The following NLRP3 variants were observed in gnomAD, a reference collection of about 807,000 sequenced individuals.
NLRP3 encodes the protein NLR family pyrin domain containing 3.
In NLRP3, 48 loss-of-function variants were observed where a neutral mutation model predicts 91.3. The ratio of observed to expected loss-of-function variants is 0.53; its 90% CI spans 0.42 to 0.67. NLRP3 has a LOEUF of 0.67. Among genes scored for constraint, NLRP3 ranks in the 30% least tolerant of loss-of-function variants. The pLI, the probability that NLRP3 is intolerant of heterozygous loss-of-function variation, is 0.00. For synonymous variants in NLRP3, 561 were observed against 507.9 expected, an observed-to-expected ratio of 1.10 and a Z score of -1.41; for missense variants, 982 against 1,276.9, an observed-to-expected ratio of 0.77 and a Z score of 3.52.
intron 7 of NLRP3, among the ~76,000 whole-genome samples, chr1:247,436,952 G>C (rs956697623): frequency 3.3e-5 from 5 of 152,228 alleles, no homozygotes; most frequent in African/African-American, 9.7e-5. Context: ...TAGGGTATCT[G>C]TGTCTCCAAT....
At chr1:247,441,090 TTCTTCC>T (rs1270842579) in intron 7 of NLRP3, among the ~76,000 whole-genome samples, 181 of 151,058 alleles carry the variant, frequency 1.2e-3, no homozygotes, top group African/African-American at 2.4e-3. Flanking sequence ...CCTTCCTTCC[TTCTTCC>T]TCCTCCTCCT....
intron 1 of NLRP3, among the ~76,000 whole-genome samples, chr1:247,417,707 A>G (rs1662156565): frequency 6.6e-6 from 1 of 152,132 alleles, no homozygotes; most frequent in African/African-American, 2.4e-5. Context: ...CCTGGTCTCC[A>G]ACTCCTGACC....
At chr1:247,428,242 C>T (rs539494793) in intron 4 of NLRP3, among the ~76,000 whole-genome samples, 16 of 150,056 alleles carry the variant, frequency 1.1e-4, no homozygotes, top group Non-Finnish European at 2.1e-4. Flanking sequence ...CTAGATGGCA[C>T]CTGCCTTACT....
chr1:247,420,355 G>C (rs1314663762), intron 2 of NLRP3, among the ~76,000 whole-genome samples: 1 of 151,918 alleles, frequency 6.6e-6, no homozygotes, highest in Non-Finnish European at 1.5e-5. Context: ...CTCCTATTCT[G>C]TGGGTTGTCT....
chr1:247,417,858 C>T (rs1159266134), intron 1 of NLRP3, among the ~76,000 whole-genome samples, 195 bp from the exon 2 acceptor site: 2 of 152,176 alleles, frequency 1.3e-5, no homozygotes, highest in Non-Finnish European at 2.9e-5. Context: ...ACTGTCCCCT[C>T]CTCTGCAAGC....
chr1:247,445,927 A>G (rs2103246430), intron 9 of NLRP3, among the ~76,000 whole-genome samples: 1 of 152,264 alleles, frequency 6.6e-6, no homozygotes, highest in South Asian at 2.1e-4. Flanking sequence ...CCTCCAGATT[A>G]TATGTCCATA....
rs758813724 is a variant in NLRP3, at chr1:247,418,753, T to C, written c.-48T>C. On this transcript the variant is annotated 5_prime_UTR_variant, in exon 2 of 10. Transcript: ENST00000336119. ...TGTGCCGTGTTCACTGCCTGGTATC[T>C]TAGTGTGGACCGAAGCCTAAGGACC... The C allele has an allele frequency of 6.9e-5, 111 of 1,611,656 alleles. No individual in the cohort carries two copies. The highest frequency in any genetic ancestry group is 8.1e-5 in the Non-Finnish European group (96 of 1,179,364).
At chr1:247,420,025 C>T (rs1263412785) in intron 2 of NLRP3, among the ~76,000 whole-genome samples, 2 of 152,186 alleles carry the variant, frequency 1.3e-5, no homozygotes, top group African/African-American at 4.8e-5. Flanking sequence ...CATTTCCCAC[C>T]AACAGCACAC....
intron 7 of NLRP3, among the ~76,000 whole-genome samples, chr1:247,442,489 C>T (rs1214029141): frequency 6.6e-6 from 1 of 152,066 alleles, no homozygotes; most frequent in African/African-American, 2.4e-5. Context: ...AAGAATAGTA[C>T]ATCAAAACTC....
At chr1:247,435,861 C>G in intron 6 of NLRP3, 109 bp from the exon 7 acceptor site, 1 of 1,022,578 alleles carries the variant, frequency 9.8e-7, no homozygotes, top group Non-Finnish European at 1.5e-6. Context: ...TGTCCACTCC[C>G]TTTCCATGTG....
At chr1:247,442,856 A>G (rs1263194388) in intron 7 of NLRP3, among the ~76,000 whole-genome samples, 1 of 152,160 alleles carries the variant, frequency 6.6e-6, no homozygotes, top group Admixed American at 6.5e-5. Flanking sequence ...GGATTGTCTG[A>G]GCCCAGGAGT....
chr1:247,440,766 T>C (rs1431657613), intron 7 of NLRP3, among the ~76,000 whole-genome samples: 2 of 152,064 alleles, frequency 1.3e-5, no homozygotes, highest in African/African-American at 4.8e-5. Flanking sequence ...TGGACATCAC[T>C]GTGCCCAGCT....
rs147295229 is a variant in NLRP3, at chr1:247,434,613, T to C, written c.2492+340T>C. ...TGACAAGCCCTGGGTCCTCATATTG[T>C]ATAAGAAAAATGGTGCTAAAGCAAT... On this transcript the variant is annotated intron_variant, in intron 6 of 9. Coordinates refer to ENST00000336119, the MANE Select transcript of NLRP3 (RefSeq NM_001243133.2). 2.9e-4 allele frequency among the ~76,000 whole-genome samples: 44 copies of C among 152,324 alleles called. No individual in the cohort carries two copies. The East Asian group carries it at 8.3e-3, about 29-fold the overall frequency.
Position 247,429,653 on chromosome 1 carries a change from G to A in NLRP3, c.2219G>A (p.Ser740Asn), listed in dbSNP as rs200371066. 13 of 1,614,200 alleles carry A rather than the reference G, an allele frequency of 8.1e-6. No homozygotes were observed. The highest frequency in any genetic ancestry group is 2.2e-5 in the East Asian group (1 of 44,888). The change falls in exon 5 of 10, where the codon AGT (serine) becomes AAT (asparagine). Residue 740 changes from serine (S) to asparagine (N), a missense_variant. Physicochemically the swap from Ser to Asn is conservative, Grantham distance 46. This residue lies in a region of NLRP3 where 373 missense variants were observed against 431.5 expected (regional missense o/e 0.86). Transcript: ENST00000336119. ...GLFSVLSTSQ[S>N]LTELDLSDNS... The stretch of plus-strand genomic sequence containing the variant: ...TTTTCAGTTCTGAGCACCAGCCAGA[G>A]TCTAACTGAATTGGACCTCAGTGAC...
chr1:247,418,481 T>C lies in NLRP3; in HGVS notation c.-320T>C. The C allele has an allele frequency of 2.7e-6, 1 of 367,036 alleles. No homozygotes were observed. Among genetic ancestry groups the C allele is most frequent in the Non-Finnish European group, 5.3e-6 (1 of 190,316 alleles). 22.7% of individuals were successfully genotyped at this position (367,036 alleles called of 1,614,324 possible). A position where few individuals can be genotyped will look rare whatever the true frequency, so the allele number is the denominator to read the frequency against. On this transcript the variant is annotated 5_prime_UTR_variant, in exon 2 of 10. Transcript: ENST00000336119. ...CACACCCGGCTCATTTTTGTACTTT[T>C]AGTAGAGACACAGTTTTGCCATGTT...
rs74163772 is a variant in NLRP3, at chr1:247,438,378, G to GTTTTTT, written c.2663+2256_2663+2261dup. ...GGGATTTCACGACTGGTTTAGTTGT[G>GTTTTTT]TTTTTTTTTTTTTTTTTTTTTTTGA... On this transcript the variant is annotated intron_variant, in intron 7 of 9. Coordinates refer to ENST00000336119, the MANE Select transcript of NLRP3 (RefSeq NM_001243133.2). Among the ~76,000 whole-genome samples, 58 of 71,928 alleles carry GTTTTTT rather than the reference G, an allele frequency of 8.1e-4. 1 individual carries two copies. Among genetic ancestry groups the GTTTTTT allele is most frequent in the Non-Finnish European group, 1.0e-3 (40 of 38,448 alleles). 47.2% of individuals were successfully genotyped at this position (71,928 alleles called of 152,430 possible).
intron 4 of NLRP3, among the ~76,000 whole-genome samples, chr1:247,426,068 G>C (rs1230908110): frequency 6.6e-6 from 1 of 152,140 alleles, no homozygotes; most frequent in Non-Finnish European, 1.5e-5. Context: ...AGGAATGGTG[G>C]GACCTGGGCG....
chr1:247,425,766 G>T lies in NLRP3; in HGVS notation c.2150+167G>T. 1.5e-6 allele frequency: 1 copy of T among 660,434 alleles called. No individual in the cohort carries two copies. The highest frequency in any genetic ancestry group is 2.6e-6 in the Non-Finnish European group (1 of 378,688). 40.9% of individuals were successfully genotyped at this position (660,434 alleles called of 1,614,324 possible). A position where few individuals can be genotyped will look rare whatever the true frequency, so the allele number is the denominator to read the frequency against. On this transcript the variant is annotated intron_variant, in intron 4 of 9. Coordinates refer to ENST00000336119, the MANE Select transcript of NLRP3 (RefSeq NM_001243133.2). The surrounding 1 kb of genome is among the most constrained non-coding windows in gnomAD (Gnocchi z 4.1). ...GACTCCTTCATGAGCAAAGATTGAT[G>T]TATGGTAGGTGGATAAATGGGATGA...
Position 247,425,672 on chromosome 1 carries a change from A to G in NLRP3, c.2150+73A>G. ...TTCTTCTTGGCGCTTGCCTCCTCTCATCTCTTTTCAACTATCTTCCAAATA... is the reference window on the plus strand; with the variant it reads ...TTCTTCTTGGCGCTTGCCTCCTCTCGTCTCTTTTCAACTATCTTCCAAATA... On this transcript the variant is annotated intron_variant, in intron 4 of 9. Transcript: ENST00000336119. The surrounding 1 kb of genome is among the most constrained non-coding windows in gnomAD (Gnocchi z 4.1). 1.4e-6 allele frequency: 2 copies of G among 1,390,404 alleles called. No individual in the cohort carries two copies. Among genetic ancestry groups the G allele is most frequent in the Admixed American group, 1.7e-5 (1 of 58,268 alleles). The allele number at this position is 1,390,404 out of a possible 1,614,324, so 86.1% of individuals were successfully genotyped here.
Sources: allele counts gnomAD v4.1 joint callset (sites outside exome capture counted in the v4.1 genomes callset), GRCh38; gene constraint gnomAD v4.1.1; regional missense constraint gnomAD v4.1.1; non-coding constraint Gnocchi (gnomAD v3.1); transcripts MANE v1.5; gene names NCBI Gene and HGNC (gene_info 2026-07-23, HGNC 2026-07-21).